The following NLGN1 variants were observed in gnomAD, a reference collection of about 807,000 sequenced individuals.
The protein encoded by NLGN1 is neuroligin 1.
NLGN1 carries 12 observed loss-of-function variants against 65.5 expected under a neutral mutation model. The observed-to-expected ratio is 0.18, with a 90% CI of 0.12 to 0.30. NLGN1 has a LOEUF of 0.30. Among genes scored for constraint, NLGN1 ranks in the 10% least tolerant of loss-of-function variants. The pLI is 1.00. For missense variants in NLGN1, 750 were observed against 1,007.1 expected (o/e 0.74, Z 3.46); for synonymous variants, 350 against 359.5 (o/e 0.97, Z 0.30).
At chr3:173,994,095 TAA>T (rs566835038) in intron 4 of NLGN1, among the ~76,000 whole-genome samples, 44 of 152,192 alleles carry the variant, frequency 2.9e-4, no homozygotes, top group South Asian at 8.3e-4. Context: ...TTGAAAAATA[TAA>T]AGTTTAATAC....
intron 3 of NLGN1, among the ~76,000 whole-genome samples, chr3:173,791,167 A>C (rs1054806070): frequency 2.6e-5 from 4 of 152,152 alleles, no homozygotes; most frequent in Non-Finnish European, 5.9e-5. Flanking sequence ...TTAGTTTCTT[A>C]ATCATGCTAC....
chr3:173,663,892 T>C (rs1761323305), intron 3 of NLGN1, among the ~76,000 whole-genome samples: 1 of 151,912 alleles, frequency 6.6e-6, no homozygotes, highest in Non-Finnish European at 1.5e-5. Context: ...AGCAGTCTTT[T>C]TCCCAAAGGA....
At chr3:173,485,993 G>A (rs1015445417) in intron 2 of NLGN1, among the ~76,000 whole-genome samples, 1 of 151,952 alleles carries the variant, frequency 6.6e-6, no homozygotes, top group Non-Finnish European at 1.5e-5. Flanking sequence ...AGGCCTCCCA[G>A]TGTAATGTTG....
intron 1 of NLGN1, among the ~76,000 whole-genome samples, chr3:173,405,301 T>A (rs1393890270): frequency 6.6e-6 from 1 of 152,100 alleles, no homozygotes; most frequent in East Asian, 1.9e-4. Flanking sequence ...CAGAACTCAT[T>A]TGCCTTCCTT....
intron 3 of NLGN1, among the ~76,000 whole-genome samples, chr3:173,714,543 A>T (rs1427957266): frequency 6.6e-6 from 1 of 152,150 alleles, no homozygotes; most frequent in Non-Finnish European, 1.5e-5. Context: ...ACAGCTTGAA[A>T]ATTGTCCTGA....
At chr3:173,496,608 T>G (rs1368703939) in intron 2 of NLGN1, among the ~76,000 whole-genome samples, 1 of 151,808 alleles carries the variant, frequency 6.6e-6, no homozygotes, top group Admixed American at 6.6e-5. Flanking sequence ...AGCCTATCTG[T>G]TAGCTTATCA....
rs1188804609 is a variant in NLGN1, at chr3:173,422,844, T to C, written c.-389-12166T>C. ...TTTTGCTGTTGAGTTGAGGTTGTTA[T>C]AGATGCAAGTTATTGATTCCTTGTC... is the stretch of plus-strand genomic sequence containing the variant. On this transcript the variant is annotated intron_variant, in intron 1 of 6. Transcript: ENST00000457714. 2.6e-5 allele frequency among the ~76,000 whole-genome samples: 4 copies of C among 152,338 alleles called. No individual in the cohort carries two copies. In the South Asian group the frequency reaches 8.3e-4, roughly 32 times the overall value.
intron 3 of NLGN1, among the ~76,000 whole-genome samples, chr3:173,613,358 CGATGACCCTTCCTACA>C (rs1476595949): frequency 1.3e-5 from 2 of 152,124 alleles, no homozygotes; most frequent in East Asian, 3.9e-4. Flanking sequence ...CCCTTTACCA[CGATGACCCTTCCTACA>C]GATAATGAAT....
chr3:174,174,921 A>G (rs929306622), intron 4 of NLGN1, among the ~76,000 whole-genome samples: 4 of 152,004 alleles, frequency 2.6e-5, no homozygotes, highest in African/African-American at 7.2e-5. Flanking sequence ...ATCATTCAGA[A>G]GCATATTGTT....
rs530970337 is a variant in NLGN1 at position 173,874,349 on chromosome 3, A to T, written c.646+66517A>T. Among the ~76,000 whole-genome samples the T allele has an allele frequency of 2.6e-5, 4 of 152,350 alleles. No individual in the cohort carries two copies. The South Asian group carries it at 6.2e-4, about 24-fold the overall frequency. ...TGGATCCCTTCTCAAAGTGATGTTT[A>T]AATGTGTAAAATAAAATACATAAAC... On this transcript the variant is annotated intron_variant, in intron 4 of 6. Coordinates refer to ENST00000457714, the Ensembl canonical transcript of NLGN1.
chr3:174,237,986 C>T (rs934228621), intron 4 of NLGN1, among the ~76,000 whole-genome samples: 3 of 152,150 alleles, frequency 2.0e-5, no homozygotes, highest in Non-Finnish European at 2.9e-5. Flanking sequence ...CCTTTGTGGA[C>T]AACATTTTTA....
At chr3:174,281,412 T>A in exon 7 of NLGN1, 1 of 704,674 alleles carries the variant, frequency 1.4e-6, no homozygotes, top group Non-Finnish European at 2.4e-6. Flanking sequence ...GGAGGAATAT[T>A]ATGTGAATAT....
chr3:173,663,783 T>C (rs1243164003), intron 3 of NLGN1, among the ~76,000 whole-genome samples: 1 of 151,936 alleles, frequency 6.6e-6, no homozygotes, highest in Non-Finnish European at 1.5e-5. Flanking sequence ...TGCTCAAGTA[T>C]AGACAGAGGA....
chr3:173,578,100 G>A (rs751717440), intron 2 of NLGN1, among the ~76,000 whole-genome samples: 1 of 152,050 alleles, frequency 6.6e-6, no homozygotes, highest in African/African-American at 2.4e-5. Context: ...GCTGGGCGTG[G>A]TGGCAGGCAC....
At chr3:173,862,430 C>T (rs1227984595) in intron 4 of NLGN1, among the ~76,000 whole-genome samples, 4 of 141,324 alleles carry the variant, frequency 2.8e-5, no homozygotes, top group African/African-American at 7.8e-5. Context: ...GGCGTGAACC[C>T]GGGAGACGGA....
Position 173,560,776 on chromosome 3 carries a change from A to G in NLGN1, c.-320-43503A>G, listed in dbSNP as rs115432835. Among the ~76,000 whole-genome samples, 1,469 of 152,196 alleles carry G rather than the reference A, an allele frequency of 9.7e-3. 24 individuals carry two copies. The highest frequency in any genetic ancestry group is 0.034 in the African/African-American group (1,393 of 41,552). On this transcript the variant is annotated intron_variant, in intron 2 of 6. Transcript: ENST00000457714. Reference sequence around the variant, plus strand: ...TGAAAGCACCTTAAAAACAACATTTATATTTATTTTTCACATCTGGAAAAC... The same window carrying G: ...TGAAAGCACCTTAAAAACAACATTTGTATTTATTTTTCACATCTGGAAAAC...
chr3:174,079,688 T>C (rs1451755667), intron 4 of NLGN1, among the ~76,000 whole-genome samples: 1 of 152,194 alleles, frequency 6.6e-6, no homozygotes, highest in Non-Finnish European at 1.5e-5. Flanking sequence ...ATGTACACCA[T>C]GGAACAGTAT....
intron 4 of NLGN1, among the ~76,000 whole-genome samples, chr3:173,921,153 A>AAT (rs1265523785): frequency 6.8e-6 from 1 of 147,142 alleles, no homozygotes; most frequent in Non-Finnish European, 1.5e-5. Flanking sequence ...TTTGGTCCTT[A>AAT]ATATATATAT....
intron 3 of NLGN1, among the ~76,000 whole-genome samples, chr3:173,628,147 A>T (rs1024802547): frequency 6.6e-6 from 1 of 152,062 alleles, no homozygotes; most frequent in African/African-American, 2.4e-5. Context: ...CCCTGTGGTT[A>T]CCCTTAAGGG....
Sources: gnomAD v4.1 joint callset for allele counts (sites outside exome capture counted in the v4.1 genomes callset) on GRCh38, gnomAD v4.1.1 for gene constraint, MANE v1.5 for transcripts, NCBI Gene and HGNC (gene_info 2026-07-23, HGNC 2026-07-21) for gene names.